Variants in OSBPL8 observed in about 807,000 individuals in gnomAD.
OSBPL8 encodes the protein oxysterol-binding protein-related protein 8.
A neutral mutation model predicts 125.5 loss-of-function variants in OSBPL8; 59 were observed. That is an observed-to-expected ratio of 0.47 (90% CI 0.38 to 0.58). The LOEUF is 0.58. OSBPL8 is among the 20% of genes least tolerant of loss of function. The pLI, the probability that OSBPL8 is intolerant of heterozygous loss-of-function variation, is 0.00. For missense variants in OSBPL8, 758 were observed against 1,047.8 expected, an observed-to-expected ratio of 0.72 and a Z score of 3.82; for synonymous variants, 330 against 338.9, an observed-to-expected ratio of 0.97 and a Z score of 0.29.
chr12:76,529,151 A>G (rs1950265695), intron 1 of OSBPL8, among the ~76,000 whole-genome samples: 1 of 152,190 alleles, frequency 6.6e-6, no homozygotes, highest in Admixed American at 6.5e-5. Context: ...TGTTTCTTAT[A>G]CTAAGGGCTT....
At chr12:76,394,271 A>C (rs1953699196) in intron 9 of OSBPL8, among the ~76,000 whole-genome samples, 1 of 152,200 alleles carries the variant, frequency 6.6e-6, no homozygotes, top group South Asian at 2.1e-4. Context: ...TTACATAAAA[A>C]AAAACAAAAC....
At chr12:76,415,472 T>G (rs1259440304) in intron 4 of OSBPL8, among the ~76,000 whole-genome samples, 1 of 152,188 alleles carries the variant, frequency 6.6e-6, no homozygotes, top group Non-Finnish European at 1.5e-5. Context: ...GGTCTCGAAC[T>G]CCTGACCTCA....
At chr12:76,459,504 C>G (rs1237610029) in intron 3 of OSBPL8, among the ~76,000 whole-genome samples, 1 of 152,090 alleles carries the variant, frequency 6.6e-6, no homozygotes, top group Admixed American at 6.5e-5. Flanking sequence ...AGTGTTTCTC[C>G]CTTTCATATG....
At chr12:76,530,170 A>G (rs1950296033) in intron 1 of OSBPL8, among the ~76,000 whole-genome samples, 1 of 149,982 alleles carries the variant, frequency 6.7e-6, no homozygotes, top group Admixed American at 6.7e-5. Context: ...CCTCAGCCTT[A>G]CTCAGCCTCC....
chr12:76,476,397 T>C (rs1876812278), intron 2 of OSBPL8, among the ~76,000 whole-genome samples: 1 of 151,930 alleles, frequency 6.6e-6, no homozygotes, highest in African/African-American at 2.4e-5. Flanking sequence ...AAGAACTTAA[T>C]AAACATGTTT....
At position 76,559,569 on chromosome 12, in the gene OSBPL8, C is replaced by A. The variant is rs941769466; in HGVS notation, c.-240G>T. 1 of 152,248 alleles carries A rather than the reference C, an allele frequency of 6.6e-6. No homozygotes were observed. The highest frequency in any genetic ancestry group is 1.5e-5 in the Non-Finnish European group (1 of 68,066). 9.4% of individuals were successfully genotyped at this position (152,248 alleles called of 1,614,324 possible). ...GACGAAGGGCGCTGCCCAGCGGCCG[C>A]GGAGGCACTGCCGGCTCAGCCCCCG... On this transcript the variant is annotated 5_prime_UTR_variant, in exon 1 of 24. Transcript: ENST00000261183.
chr12:76,397,993 T>C (rs931756102), intron 7 of OSBPL8, 96 bp from the exon 8 acceptor site: 49 of 1,002,482 alleles, frequency 4.9e-5, no homozygotes, highest in African/African-American at 1.6e-4. Flanking sequence ...AAAATTTCCA[T>C]AACACGTACA....
intron 21 of OSBPL8, among the ~76,000 whole-genome samples, chr12:76,367,811 G>A (rs1161806176): frequency 6.6e-6 from 1 of 152,066 alleles, no homozygotes; most frequent in Non-Finnish European, 1.5e-5. Context: ...AACTTCAGTA[G>A]TACATAAAAA....
chr12:76,421,187 GACAGAA>G (rs1161438742), intron 4 of OSBPL8, among the ~76,000 whole-genome samples: 3 of 151,844 alleles, frequency 2.0e-5, no homozygotes, highest in African/African-American at 4.8e-5. Flanking sequence ...CAAACAAAGA[GACAGAA>G]ACAAATACAG....
chr12:76,515,929 A>T (rs1432108503), intron 1 of OSBPL8, among the ~76,000 whole-genome samples: 1 of 152,196 alleles, frequency 6.6e-6, no homozygotes, highest in Non-Finnish European at 1.5e-5. Context: ...TACAATTAAG[A>T]AATATACTTC....
intron 2 of OSBPL8, among the ~76,000 whole-genome samples, chr12:76,486,306 C>T (rs1036498866): frequency 2.4e-4 from 36 of 152,078 alleles, no homozygotes; most frequent in Non-Finnish European, 7.4e-5. Context: ...TTACAAACAC[C>T]GCAATCTAAT....
intron 21 of OSBPL8, chr12:76,366,616 T>C (rs1305923501): frequency 9.0e-6 from 4 of 445,640 alleles, no homozygotes; most frequent in Non-Finnish European, 1.8e-5. Flanking sequence ...TTCCAGTTTC[T>C]CACGGAATGA....
chr12:76,556,811 A>G (rs1449577990), intron 1 of OSBPL8, among the ~76,000 whole-genome samples: 2 of 152,112 alleles, frequency 1.3e-5, no homozygotes, highest in East Asian at 3.9e-4. Context: ...TTACAGGCAC[A>G]CACTGCCACG....
intron 4 of OSBPL8, among the ~76,000 whole-genome samples, chr12:76,449,392 C>T (rs1441659685): frequency 1.3e-5 from 2 of 152,144 alleles, no homozygotes; most frequent in Non-Finnish European, 2.9e-5. Flanking sequence ...TCTGGGAGTA[C>T]CCAAAGACCC....
intron 3 of OSBPL8, among the ~76,000 whole-genome samples, chr12:76,452,610 A>C (rs1873551678): frequency 6.6e-6 from 1 of 152,202 alleles, no homozygotes; most frequent in Non-Finnish European, 1.5e-5. Flanking sequence ...CTTACTGAGC[A>C]ATCTTTTAAA....
chr12:76,555,391 A>T (rs1336506941), intron 1 of OSBPL8, among the ~76,000 whole-genome samples: 1 of 152,194 alleles, frequency 6.6e-6, no homozygotes, highest in Non-Finnish European at 1.5e-5. Flanking sequence ...ACCAGAAAAC[A>T]TTAAACTGAC....
rs777559233 is a variant in OSBPL8 at position 76,389,835 on chromosome 12, T to A, written c.1168-6A>T. On this transcript the variant is annotated splice_polypyrimidine_tract_variant and splice_region_variant and intron_variant, in intron 11 of 23. Transcript: ENST00000261183. The stretch of plus-strand genomic sequence containing the variant: ...GTTTGAGAAGCCTCACCTGCCTTTA[T>A]CAATTAATGAAAATTACCAAAACAT... 2.7e-6 allele frequency: 4 copies of A among 1,479,612 alleles called. No individual in the cohort carries two copies. The highest frequency in any genetic ancestry group is 1.4e-5 in the South Asian group (1 of 69,492). The allele number at this position is 1,479,612 out of a possible 1,614,324, so 91.7% of individuals were successfully genotyped here.
At chr12:76,432,440 G>T (rs1000897334) in intron 4 of OSBPL8, among the ~76,000 whole-genome samples, 1 of 152,058 alleles carries the variant, frequency 6.6e-6, no homozygotes, top group Non-Finnish European at 1.5e-5. Context: ...AATTAGCCGG[G>T]TGTGGTGGCA....
intron 2 of OSBPL8, among the ~76,000 whole-genome samples, chr12:76,471,240 C>T (rs1876101911): frequency 6.6e-6 from 1 of 152,134 alleles, no homozygotes; most frequent in African/African-American, 2.4e-5. Context: ...GTATGGGACA[C>T]CAAGCCTCTG....
Sources: allele counts gnomAD v4.1 joint callset (sites outside exome capture counted in the v4.1 genomes callset), GRCh38; gene constraint gnomAD v4.1.1; transcripts MANE v1.5; gene names NCBI Gene and HGNC (gene_info 2026-07-23, HGNC 2026-07-21).